STXBP5L: variants seen among roughly 807,000 people sequenced by gnomAD.
STXBP5L encodes syntaxin-binding protein 5-like.
In STXBP5L, 65 loss-of-function variants were observed where a neutral mutation model predicts 144.5. The ratio of observed to expected loss-of-function variants is 0.45; its 90% confidence interval spans 0.37 to 0.55. The LOEUF (loss-of-function observed/expected upper bound fraction) is 0.55, where lower values mean the gene tolerates loss of function less well. STXBP5L is among the 20% of genes least tolerant of loss of function. STXBP5L has a pLI of 0.00. For synonymous variants in STXBP5L, 505 were observed against 469.6 expected (o/e 1.08, Z -0.97); for missense variants, 1,298 against 1,405.5 (o/e 0.92, Z 1.22).
At chr3:121,340,796 AC>A (rs1436897015) in intron 20 of STXBP5L, among the ~76,000 whole-genome samples, 2 of 152,092 alleles carry the variant, frequency 1.3e-5, no homozygotes, top group Middle Eastern at 6.3e-3. Context: ...AATAACAACA[AC>A]TTTTCAAGTC....
chr3:120,994,135 A>AT (rs929148345), intron 3 of STXBP5L, among the ~76,000 whole-genome samples: 6 of 151,116 alleles, frequency 4.0e-5, no homozygotes, highest in East Asian at 3.9e-4. Context: ...TTGTGTGCCA[A>AT]TTTTTTTTTG....
rs543461161 is a variant in STXBP5L at position 120,964,108 on chromosome 3, C to T, written c.287+9071C>T. Among the ~76,000 whole-genome samples the T allele has an allele frequency of 5.3e-5, 8 of 152,210 alleles. No homozygotes were observed. In the South Asian group the frequency reaches 8.3e-4, roughly 16 times the overall value. ...ATGGTAGTTTGTATTTCTGCAGGAT[C>T]GGTGGTGATATTCTTTTTATCATTT... is the stretch of plus-strand genomic sequence containing the variant. On this transcript the variant is annotated intron_variant, in intron 3 of 26. Coordinates refer to ENST00000471454, the MANE Select transcript of STXBP5L (RefSeq NM_001308330.2).
intron 19 of STXBP5L, among the ~76,000 whole-genome samples, chr3:121,303,588 C>T (rs369600157): frequency 6.6e-6 from 1 of 152,032 alleles, no homozygotes; most frequent in Non-Finnish European, 1.5e-5. Flanking sequence ...CGTATGTTTA[C>T]TGCAGCACTA....
intron 20 of STXBP5L, among the ~76,000 whole-genome samples, chr3:121,353,737 T>A (rs1259070998): frequency 6.6e-6 from 1 of 152,208 alleles, no homozygotes; most frequent in African/African-American, 2.4e-5. Context: ...TTTGAATTTG[T>A]TTCCTCTTGC....
Position 121,115,065 on chromosome 3 carries a change from T to C in STXBP5L, c.605+6T>C. 1 of 1,599,490 alleles carries C rather than the reference T, an allele frequency of 6.3e-7. No homozygotes were observed. The highest frequency in any genetic ancestry group is 1.7e-4 in the Middle Eastern group (1 of 6,004). On this transcript the variant is annotated splice_donor_region_variant and intron_variant, in intron 6 of 26. Coordinates refer to ENST00000471454, the MANE Select transcript of STXBP5L (RefSeq NM_001308330.2). ...TGGAACAAGGCAATTGAACTGTAAGTTTGAACTTGGATATCACTTTATTGG... is the reference window on the plus strand; with the variant it reads ...TGGAACAAGGCAATTGAACTGTAAGCTTGAACTTGGATATCACTTTATTGG...
chr3:120,979,783 G>A lies in STXBP5L; in HGVS notation c.287+24746G>A, dbSNP rs1370136684. On this transcript the variant is annotated intron_variant, in intron 3 of 26. Coordinates refer to ENST00000471454, the MANE Select transcript of STXBP5L (RefSeq NM_001308330.2). ...TGTTTCTTTTGTTCTGCTACCTTTG[G>A]CTTTGTTCTTGTTCTTGAGGTGTGA... 2.0e-5 allele frequency among the ~76,000 whole-genome samples: 3 copies of A among 152,042 alleles called. No homozygotes were observed. In the South Asian group the frequency reaches 6.2e-4, roughly 32 times the overall value.
At chr3:121,318,354 G>T in intron 19 of STXBP5L, 121 bp from the exon 20 acceptor site, 1 of 505,048 alleles carries the variant, frequency 2.0e-6, no homozygotes. Flanking sequence ...GACGTAACTT[G>T]GACATGATAA....
chr3:121,057,292 T>C (rs1023027815), intron 5 of STXBP5L, among the ~76,000 whole-genome samples: 2 of 152,018 alleles, frequency 1.3e-5, no homozygotes, highest in Admixed American at 6.6e-5. Context: ...CTTTTTTCCC[T>C]CTATAGTATA....
At chr3:121,345,264 G>T (rs974856787) in intron 20 of STXBP5L, among the ~76,000 whole-genome samples, 1 of 151,938 alleles carries the variant, frequency 6.6e-6, no homozygotes, top group East Asian at 1.9e-4. Flanking sequence ...GCAGTGTTTG[G>T]TTTTTTGTCC....
chr3:121,178,516 AAT>A (rs2047020041), intron 9 of STXBP5L, among the ~76,000 whole-genome samples: 2 of 152,214 alleles, frequency 1.3e-5, no homozygotes, highest in Admixed American at 1.3e-4. Flanking sequence ...CAATAAAATT[AAT>A]TTAAAAAATA....
intron 5 of STXBP5L, among the ~76,000 whole-genome samples, chr3:121,089,780 G>GT (rs1252848834): frequency 6.6e-6 from 1 of 151,818 alleles, no homozygotes; most frequent in Non-Finnish European, 1.5e-5. Flanking sequence ...TATATTATTT[G>GT]TTTTTTCAGA....
At chr3:121,092,488 T>C (rs1336691373) in intron 5 of STXBP5L, among the ~76,000 whole-genome samples, 1 of 152,200 alleles carries the variant, frequency 6.6e-6, no homozygotes, top group African/African-American at 2.4e-5. Flanking sequence ...GTCCTTCACG[T>C]CCCTTGTAAG....
chr3:120,987,580 C>T lies in STXBP5L; in HGVS notation c.287+32543C>T, dbSNP rs1330655509. 2.6e-5 allele frequency among the ~76,000 whole-genome samples: 4 copies of T among 151,908 alleles called. No individual in the cohort carries two copies. The East Asian group carries it at 5.8e-4, about 22-fold the overall frequency. On this transcript the variant is annotated intron_variant, in intron 3 of 26. Transcript: ENST00000471454. ...ATTTCTTAACTTGTATTTTCACCCT[C>T]TTAACTTGACAGGGTTCTTCACAGA...
chr3:121,326,989 C>CGTAGTAG (rs1395160283), intron 20 of STXBP5L, among the ~76,000 whole-genome samples: 1 of 152,076 alleles, frequency 6.6e-6, no homozygotes, highest in African/African-American at 2.4e-5. Flanking sequence ...TGTGATATCT[C>CGTAGTAG]CCATTAAAGT....
At chr3:120,986,496 A>G (rs561111474) in intron 3 of STXBP5L, among the ~76,000 whole-genome samples, 1 of 152,038 alleles carries the variant, frequency 6.6e-6, no homozygotes, top group East Asian at 1.9e-4. Context: ...AGAACTGTCT[A>G]CTTCCTTCAA....
chr3:121,388,544 C>T (rs969340375), intron 22 of STXBP5L, among the ~76,000 whole-genome samples: 4 of 151,944 alleles, frequency 2.6e-5, no homozygotes, highest in African/African-American at 2.4e-5. Flanking sequence ...ATAAATAGGT[C>T]GTATTATTTT....
intron 5 of STXBP5L, among the ~76,000 whole-genome samples, chr3:121,048,862 G>A (rs1453945008): frequency 6.6e-6 from 1 of 152,074 alleles, no homozygotes; most frequent in African/African-American, 2.4e-5. Flanking sequence ...GCACTGCCCA[G>A]TGAAGAGTAG....
chr3:121,206,889 C>CA (rs2048356168), intron 10 of STXBP5L, among the ~76,000 whole-genome samples: 2 of 152,110 alleles, frequency 1.3e-5, no homozygotes, highest in Admixed American at 1.3e-4. Flanking sequence ...AGTGGCAATA[C>CA]ACTCATTGAG....
At chr3:121,158,285 A>G (rs1174206147) in intron 9 of STXBP5L, 1 of 152,188 alleles carries the variant, frequency 6.6e-6, no homozygotes, top group Non-Finnish European at 1.5e-5. Context: ...TCTGAGTTCT[A>G]TGTTTACCTC....
Sources: gnomAD v4.1 joint callset for allele counts (sites outside exome capture counted in the v4.1 genomes callset) on GRCh38, gnomAD v4.1.1 for gene constraint, MANE v1.5 for transcripts, NCBI Gene and HGNC (gene_info 2026-07-23, HGNC 2026-07-21) for gene names.